Variants in TEF observed in about 807,000 individuals in gnomAD.
TEF encodes thyrotroph embryonic factor.
In TEF, 3 loss-of-function variants were observed where a neutral mutation model predicts 20.8. The observed-to-expected ratio is 0.14, with a 90% CI of 0.07 to 0.37. The LOEUF is 0.37. Ranked by LOEUF, TEF falls within the 10% of genes least tolerant of loss-of-function variation. The pLI is 1.00. For synonymous variants in TEF, 180 were observed against 171.1 expected, an observed-to-expected ratio of 1.05 and a Z score of -0.41; for missense variants, 296 against 397.9, an observed-to-expected ratio of 0.74 and a Z score of 2.18.
upstream of TEF, among the ~76,000 whole-genome samples, chr22:41,380,089 G>C (rs1019970136): frequency 2.0e-5 from 3 of 151,982 alleles, no homozygotes; most frequent in African/African-American, 7.2e-5. Flanking sequence ...CAAATCTCTT[G>C]CTTTCCAGGC....
At chr22:41,381,357 G>GCCCCGCCCCCGC (rs553941902), upstream of TEF, among the ~76,000 whole-genome samples, 4 of 151,574 alleles carry the variant, frequency 2.6e-5, no homozygotes, top group Admixed American at 2.0e-4. Context: ...ACCGCCCCGG[G>GCCCCGCCCCCGC]CCCCGCCCCC....
chr22:41,368,428 A>T (rs2036844995), intron 1 of TEF, among the ~76,000 whole-genome samples: 1 of 151,816 alleles, frequency 6.6e-6, no homozygotes, highest in Non-Finnish European at 1.5e-5. Context: ...CCTCCCTCTC[A>T]TCCTGCTGTG....
At chr22:41,371,879 G>A (rs1049938352) in intron 1 of TEF, among the ~76,000 whole-genome samples, 24 of 152,234 alleles carry the variant, frequency 1.6e-4, no homozygotes, top group Admixed American at 3.3e-4. Flanking sequence ...GACTTGCTGG[G>A]GCAGAGGCAG....
At chr22:41,392,066 T>C (rs2037173585) in intron 2 of TEF, among the ~76,000 whole-genome samples, 2 of 152,228 alleles carry the variant, frequency 1.3e-5, no homozygotes, top group Admixed American at 1.3e-4. Flanking sequence ...ATAACAGGTA[T>C]TCAATAAGTA....
intron 1 of TEF, chr22:41,370,151 T>C (rs2036865420): frequency 1.0e-6 from 1 of 964,786 alleles, no homozygotes; most frequent in Non-Finnish European, 1.2e-6. Flanking sequence ...AGTCTTGCTC[T>C]ATCGCCAGGC....
intron 1 of TEF, among the ~76,000 whole-genome samples, chr22:41,374,052 G>A (rs113795690): frequency 0.055 from 8,349 of 152,010 alleles, 303 homozygotes; most frequent in Non-Finnish European, 0.086. Context: ...ATGAGCCACC[G>A]CGCCCAGCCT....
At chr22:41,394,018 C>A in intron 2 of TEF, 78 bp from the exon 3 acceptor site, 1 of 1,378,192 alleles carries the variant, frequency 7.3e-7, no homozygotes, top group Non-Finnish European at 1.0e-6. Flanking sequence ...TGAGGTTCAA[C>A]CAGGTGTCTG....
chr22:41,391,596 A>G (rs2037166728), intron 2 of TEF, among the ~76,000 whole-genome samples: 1 of 147,910 alleles, frequency 6.8e-6, no homozygotes, highest in African/African-American at 2.5e-5. Flanking sequence ...GATTACAGGC[A>G]TGAGCCACCA....
chr22:41,373,454 A>G (rs1287726109), intron 1 of TEF, among the ~76,000 whole-genome samples: 2 of 152,046 alleles, frequency 1.3e-5, no homozygotes, highest in Admixed American at 6.6e-5. Flanking sequence ...TTTGTATGCT[A>G]TATGTATTAG....
intron 1 of TEF, among the ~76,000 whole-genome samples, chr22:41,373,720 G>C (rs2036908598): frequency 1.3e-5 from 2 of 150,292 alleles, no homozygotes; most frequent in African/African-American, 4.9e-5. Context: ...CACCTGCCTT[G>C]GCCTCCCAAA....
At chr22:41,370,260 G>A (rs373019336) in intron 1 of TEF, 2,665 of 220,446 alleles carry the variant, frequency 0.012, 16 homozygotes, top group African/African-American at 0.021. Flanking sequence ...GACTACAGGC[G>A]CCCGCCACCA....
intron 1 of TEF, 95 bp downstream of exon 1, chr22:41,382,296 G>T: frequency 9.3e-7 from 1 of 1,073,486 alleles, no homozygotes; most frequent in South Asian, 4.5e-5. Flanking sequence ...GTGGGTCAGG[G>T]AGCAGTGGTC....
upstream of TEF, chr22:41,381,831 A>T: frequency 8.4e-7 from 1 of 1,187,160 alleles, no homozygotes; most frequent in Non-Finnish European, 1.1e-6. Context: ...GGACCAATCC[A>T]GAGCAACGAT....
intron 1 of TEF, among the ~76,000 whole-genome samples, chr22:41,384,927 G>A (rs2037078720): frequency 2.0e-5 from 3 of 151,828 alleles, no homozygotes; most frequent in Non-Finnish European, 4.4e-5. Flanking sequence ...CTGATTTTTT[G>A]TATTTTTAGT....
intron 1 of TEF, among the ~76,000 whole-genome samples, chr22:41,382,405 G>T (rs1438355250): frequency 1.3e-5 from 2 of 152,024 alleles, no homozygotes; most frequent in Admixed American, 6.5e-5. Context: ...GGTGGGTCTG[G>T]CGGGAGAGGG....
At chr22:41,394,343 G>A in intron 3 of TEF, 27 bp downstream of exon 3, 1 of 1,603,998 alleles carries the variant, frequency 6.2e-7, no homozygotes. Flanking sequence ...TATAAATAAA[G>A]ATGCAGCGTT....
chr22:41,391,583 C>T (rs1218395607), intron 2 of TEF, among the ~76,000 whole-genome samples: 8 of 149,176 alleles, frequency 5.4e-5, no homozygotes, highest in Admixed American at 3.3e-4. Context: ...CTCAAAGTGC[C>T]GGGATTACAG....
At chr22:41,375,618 G>T (rs916020067) in intron 1 of TEF, among the ~76,000 whole-genome samples, 27 of 151,904 alleles carry the variant, frequency 1.8e-4, no homozygotes, top group African/African-American at 6.5e-4. Context: ...GGGCTACTTG[G>T]GAGGCTGAGA....
chr22:41,381,248 C>G (rs1176137575), upstream of TEF, among the ~76,000 whole-genome samples: 4 of 152,250 alleles, frequency 2.6e-5, no homozygotes, highest in African/African-American at 9.6e-5. Context: ...GCTCAGCGTC[C>G]CTGCCCCGCG....
Sources: allele counts gnomAD v4.1 joint callset (sites outside exome capture counted in the v4.1 genomes callset), GRCh38; gene constraint gnomAD v4.1.1; transcripts MANE v1.5; gene names NCBI Gene and HGNC (gene_info 2026-07-23, HGNC 2026-07-21).